DAB1: variants seen among roughly 807,000 people sequenced by gnomAD.
The protein encoded by DAB1 is disabled homolog 1.
DAB1 carries 15 observed loss-of-function variants against 64.6 expected under a neutral mutation model. The ratio of observed to expected loss-of-function variants is 0.23; its 90% confidence interval spans 0.16 to 0.36. The LOEUF (loss-of-function observed/expected upper bound fraction) is 0.36, where lower values mean the gene tolerates loss of function less well. Among genes scored for constraint, DAB1 ranks in the 10% least tolerant of loss-of-function variants. DAB1 has a pLI of 1.00. For missense variants in DAB1, 596 were observed against 706.7 expected (o/e 0.84, Z 1.78); for synonymous variants, 235 against 251.9 (o/e 0.93, Z 0.64).
At chr1:58,123,710 ATTTCCCATCTGG>A (rs963561641) in intron 5 of DAB1, among the ~76,000 whole-genome samples, 1 of 152,058 alleles carries the variant, frequency 6.6e-6, no homozygotes, top group African/African-American at 2.4e-5. Context: ...TGATCCCCAA[ATTTCCCATCTGG>A]TAAATGAAGA....
intron 4 of DAB1, among the ~76,000 whole-genome samples, chr1:57,087,948 C>A (rs562140858): frequency 6.6e-6 from 1 of 152,166 alleles, no homozygotes; most frequent in Non-Finnish European, 1.5e-5. Context: ...AAGTAGGATG[C>A]GCTGTTGACA....
chr1:56,999,282 C>G (rs1464833499), intron 14 of DAB1, among the ~76,000 whole-genome samples: 1 of 152,132 alleles, frequency 6.6e-6, no homozygotes. Flanking sequence ...TGAAATTAAG[C>G]ACAGAGAAGT....
chr1:57,087,234 C>A (rs1653176038), intron 4 of DAB1, among the ~76,000 whole-genome samples: 1 of 152,218 alleles, frequency 6.6e-6, no homozygotes, highest in Non-Finnish European at 1.5e-5. Flanking sequence ...GACACACGAC[C>A]TGCAGGAGAC....
At chr1:57,940,994 T>G (rs1049296902) in intron 5 of DAB1, among the ~76,000 whole-genome samples, 3 of 152,230 alleles carry the variant, frequency 2.0e-5, no homozygotes, top group African/African-American at 7.2e-5. Flanking sequence ...TTGAGAGCAA[T>G]GCAGTGAGCA....
chr1:57,854,342 T>C (rs1037137581), intron 1 of DAB1, among the ~76,000 whole-genome samples: 5 of 152,204 alleles, frequency 3.3e-5, no homozygotes, highest in Admixed American at 2.6e-4. Context: ...CAAGGTCTCA[T>C]TACTGGGCCT....
intron 6 of DAB1, among the ~76,000 whole-genome samples, chr1:57,663,147 AAGG>A (rs1436700541): frequency 6.6e-6 from 1 of 152,192 alleles, no homozygotes; most frequent in Non-Finnish European, 1.5e-5. Context: ...ACTGAAGGCG[AAGG>A]AGAAGCAGCC....
At chr1:57,373,340 A>T (rs899937195) in intron 1 of DAB1, among the ~76,000 whole-genome samples, 1 of 152,196 alleles carries the variant, frequency 6.6e-6, no homozygotes, top group East Asian at 1.9e-4. Flanking sequence ...TTAACAACAC[A>T]TAACGGGGCT....
At chr1:57,792,095 G>C (rs775437345) in intron 6 of DAB1, among the ~76,000 whole-genome samples, 8 of 152,146 alleles carry the variant, frequency 5.3e-5, no homozygotes, top group Non-Finnish European at 8.8e-5. Flanking sequence ...CCCTTCCACT[G>C]AGGACTTGTT....
At chr1:58,211,313 C>G (rs1229084866) in intron 4 of DAB1, among the ~76,000 whole-genome samples, 1 of 152,172 alleles carries the variant, frequency 6.6e-6, no homozygotes, top group Non-Finnish European at 1.5e-5. Flanking sequence ...TTTAGGCATT[C>G]CATTCAAATC....
chr1:58,474,225 A>G (rs553482858), intron 3 of DAB1, among the ~76,000 whole-genome samples: 1 of 152,276 alleles, frequency 6.6e-6, no homozygotes, highest in African/African-American at 2.4e-5. Flanking sequence ...TGGCCACAAC[A>G]TACAGGTGAG....
chr1:58,451,030 T>C (rs1214867414), intron 3 of DAB1, among the ~76,000 whole-genome samples: 1 of 152,200 alleles, frequency 6.6e-6, no homozygotes, highest in East Asian at 1.9e-4. Context: ...GAGAAAGTGT[T>C]ACAAATCAGA....
intron 1 of DAB1, among the ~76,000 whole-genome samples, chr1:57,343,031 G>T (rs61769666): frequency 0.51 from 77,007 of 151,288 alleles, 20,330 homozygotes; most frequent in Non-Finnish European, 0.56. Context: ...TGCTTTTATT[G>T]TCTTATCTGG....
At chr1:57,785,392 A>G (rs559091506) in intron 6 of DAB1, among the ~76,000 whole-genome samples, 5 of 152,196 alleles carry the variant, frequency 3.3e-5, no homozygotes, top group Non-Finnish European at 7.3e-5. Flanking sequence ...ATGCATAGAG[A>G]GTACTTCTGA....
chr1:57,813,890 GA>G (rs1651740521), intron 6 of DAB1, among the ~76,000 whole-genome samples: 1 of 152,122 alleles, frequency 6.6e-6, no homozygotes, highest in Admixed American at 6.5e-5. Context: ...TTAGAAAAAT[GA>G]AAGGATCAGC....
rs916970622 is a variant in DAB1 at position 57,562,471 on chromosome 1, T to C, written n.625+87121A>G. On this transcript the variant is annotated intron_variant and non_coding_transcript_variant, in intron 7 of 20. Transcript: ENST00000485760. The stretch of plus-strand genomic sequence containing the variant: ...CATGTTCCCCATCATCTCAAAGCAG[T>C]TGGATTGACAGAATGGCAGAATGGC... 2.6e-5 allele frequency among the ~76,000 whole-genome samples: 4 copies of C among 152,206 alleles called. No homozygotes were observed. In the South Asian group the frequency reaches 8.3e-4, roughly 32 times the overall value.
chr1:57,817,559 C>A (rs1393155027), intron 6 of DAB1, among the ~76,000 whole-genome samples: 2 of 152,230 alleles, frequency 1.3e-5, no homozygotes, highest in Non-Finnish European at 2.9e-5. Context: ...GAGCAGGTCA[C>A]ACTTCTTGGC....
chr1:57,328,014 C>T (rs1676322789), intron 1 of DAB1, among the ~76,000 whole-genome samples: 1 of 152,176 alleles, frequency 6.6e-6, no homozygotes, highest in Admixed American at 6.5e-5. Flanking sequence ...CTAACCATTA[C>T]AGAGCAAATG....
intron 6 of DAB1, among the ~76,000 whole-genome samples, chr1:57,686,508 T>C (rs2101706218): frequency 6.6e-6 from 1 of 152,240 alleles, no homozygotes; most frequent in East Asian, 1.9e-4. Context: ...ACTGAAACTA[T>C]TCTAAAAACT....
chr1:58,109,427 T>C (rs17490843), intron 5 of DAB1, among the ~76,000 whole-genome samples: 2,348 of 152,226 alleles, frequency 0.015, 23 homozygotes, highest in Non-Finnish European at 0.024. Context: ...AGCTCTAGAA[T>C]GGATCAGAGA....
Sources: allele counts gnomAD v4.1 joint callset (sites outside exome capture counted in the v4.1 genomes callset), GRCh38; gene constraint gnomAD v4.1.1; transcripts MANE v1.5; gene names NCBI Gene and HGNC (gene_info 2026-07-23, HGNC 2026-07-21).